The following ECE1 variants were observed in gnomAD, a reference collection of about 807,000 sequenced individuals.
ECE1 encodes endothelin-converting enzyme 1.
Under a neutral mutation model 98.6 loss-of-function variants are expected in ECE1, and 35 were observed. That is an observed-to-expected ratio of 0.35 (90% CI 0.27 to 0.47). The LOEUF (loss-of-function observed/expected upper bound fraction) is 0.47, where lower values mean the gene tolerates loss of function less well. ECE1 is among the 20% of genes least tolerant of loss of function. ECE1 has a pLI of 1.00. For synonymous variants in ECE1, 394 were observed against 407.1 expected (o/e 0.97, Z 0.39); for missense variants, 814 against 1,025.3 (o/e 0.79, Z 2.81).
upstream of ECE1, among the ~76,000 whole-genome samples, chr1:21,294,623 C>G (rs1369970322): frequency 1.3e-5 from 2 of 152,206 alleles, no homozygotes; most frequent in African/African-American, 2.4e-5. The surrounding 1 kb of genome is among the most constrained non-coding windows in gnomAD (Gnocchi z 4.2). Flanking sequence ...TGAGCAGAAA[C>G]GAGAAATATA....
At chr1:21,227,272 G>GCCCT in intron 15 of ECE1, 46 bp from the exon 16 acceptor site, 1 of 1,541,954 alleles carries the variant, frequency 6.5e-7, no homozygotes, top group Non-Finnish European at 9.0e-7. Flanking sequence ...TGAGAGGAGG[G>GCCCT]CCTCTCACTC....
At position 21,345,472 on chromosome 1, in the gene ECE1, A is replaced by G; in HGVS notation, c.-94T>C. ...CCCTGCTCCCAGCCCAGCTGCTCGG[A>G]CGGCTCGGCTGCCTGGCCCAGGCGG... On this transcript the variant is annotated 5_prime_UTR_variant, in exon 1 of 19. Transcript: ENST00000415912. This position sits in a 1 kb window ranked among gnomAD's most constrained non-coding sequence, Gnocchi z 5.1. 1 of 1,155,064 alleles carries G rather than the reference A, an allele frequency of 8.7e-7. No homozygotes were observed. The highest frequency in any genetic ancestry group is 3.2e-5 in the South Asian group (1 of 31,126). The allele number at this position is 1,155,064 out of a possible 1,614,324, so 71.6% of individuals were successfully genotyped here.
intron 10 of ECE1, among the ~76,000 whole-genome samples, chr1:21,240,135 C>A (rs1017814590): frequency 1.3e-5 from 2 of 152,110 alleles, no homozygotes; most frequent in African/African-American, 4.8e-5. Flanking sequence ...CAGGCCACTG[C>A]ACTCCAGCCT....
At chr1:21,247,526 G>C (rs555371164) in intron 8 of ECE1, among the ~76,000 whole-genome samples, 163 bp from the exon 9 acceptor site, 1 of 152,320 alleles carries the variant, frequency 6.6e-6, no homozygotes, top group South Asian at 2.1e-4. Flanking sequence ...GCTTTTGTCA[G>C]AGATGCTGTA....
chr1:21,295,910 T>C (rs213052), intron 1 of ECE1, among the ~76,000 whole-genome samples: 16,239 of 152,144 alleles, frequency 0.11, 1,192 homozygotes, highest in East Asian at 0.43. Flanking sequence ...TCTTCATCCG[T>C]AAAAGGGCCA....
At chr1:21,299,065 G>A (rs1638430958) in intron 1 of ECE1, 2 of 353,900 alleles carry the variant, frequency 5.7e-6, no homozygotes, top group African/African-American at 4.3e-5. Flanking sequence ...CTGACAATGT[G>A]CTGATCTAAT....
chr1:21,288,754 G>T (rs1271902170), intron 2 of ECE1, among the ~76,000 whole-genome samples: 1 of 152,246 alleles, frequency 6.6e-6, no homozygotes, highest in African/African-American at 2.4e-5. Context: ...CTTAAGAAGA[G>T]TCCACTGGGA....
At chr1:21,262,778 G>A (rs552274744) in intron 4 of ECE1, among the ~76,000 whole-genome samples, 11 of 152,324 alleles carry the variant, frequency 7.2e-5, no homozygotes, top group South Asian at 6.2e-4. Context: ...TTGCTCCTTC[G>A]CTGAGAGGCT....
At chr1:21,315,822 A>G (rs1034858383) in intron 1 of ECE1, among the ~76,000 whole-genome samples, 1 of 146,414 alleles carries the variant, frequency 6.8e-6, no homozygotes, top group Non-Finnish European at 1.5e-5. Flanking sequence ...AGCTGGCCCT[A>G]TTTTCCCCAT....
chr1:21,263,815 GTTC>G (rs2098230299), intron 4 of ECE1, among the ~76,000 whole-genome samples: 1 of 152,034 alleles, frequency 6.6e-6, no homozygotes, highest in Non-Finnish European at 1.5e-5. Flanking sequence ...AGAAGGTACG[GTTC>G]CTCTTCCTCC....
intron 1 of ECE1, among the ~76,000 whole-genome samples, chr1:21,331,030 CTT>C (rs1256655956): frequency 1.3e-5 from 2 of 152,168 alleles, no homozygotes; most frequent in African/African-American, 2.4e-5. Flanking sequence ...TCATCCCAAA[CTT>C]TGGGGGTCCG....
At position 21,272,973 on chromosome 1, in the gene ECE1, A is replaced by G. The variant is rs376233965; in HGVS notation, c.281-62T>C. 5.8e-5 allele frequency: 93 copies of G among 1,592,332 alleles called. No individual in the cohort carries two copies. The East Asian group carries it at 1.2e-3, about 21-fold the overall frequency. On this transcript the variant is annotated intron_variant, in intron 3 of 18. Coordinates refer to ENST00000374893, the MANE Select transcript of ECE1 (RefSeq NM_001397.3). ...GGCAGGGAAGAAGCAGGGAGGGCAG[A>G]GAAGGGGGCTTGGGGCCCAGGGGCC...
chr1:21,242,415 T>A (rs1488971586), intron 10 of ECE1, among the ~76,000 whole-genome samples: 2 of 152,084 alleles, frequency 1.3e-5, no homozygotes, highest in African/African-American at 4.8e-5. Context: ...AGGAGTGATC[T>A]CCAATTGCAG....
intron 2 of ECE1, among the ~76,000 whole-genome samples, chr1:21,284,721 C>T (rs563168236): frequency 7.2e-5 from 11 of 152,260 alleles, no homozygotes; most frequent in African/African-American, 1.9e-4. Flanking sequence ...CTGGGGCCCA[C>T]GAGACAAGCC....
chr1:21,299,114 A>G (rs1303270198), intron 1 of ECE1: 4 of 336,904 alleles, frequency 1.2e-5, no homozygotes, highest in African/African-American at 2.1e-5. Flanking sequence ...GTCTCATTGA[A>G]TGATATGGTA....
Position 21,220,256 on chromosome 1 carries a change from G to C in ECE1, c.2137-125C>G. 1.8e-6 allele frequency: 2 copies of C among 1,109,586 alleles called. No homozygotes were observed. The highest frequency in any genetic ancestry group is 2.5e-6 in the Non-Finnish European group (2 of 795,536). 68.7% of individuals were successfully genotyped at this position (1,109,586 alleles called of 1,614,324 possible). The stretch of plus-strand genomic sequence containing the variant: ...CACACCTGTAATCCCAGCACTTTGG[G>C]AGCCAAGGTGGAAGGGCTGCTTGAG... On this transcript the variant is annotated intron_variant, in intron 18 of 18. Coordinates refer to ENST00000374893, the MANE Select transcript of ECE1 (RefSeq NM_001397.3). The surrounding 1 kb of genome is among the most constrained non-coding windows in gnomAD (Gnocchi z 5.0).
chr1:21,316,302 T>C (rs1225830398), intron 1 of ECE1, among the ~76,000 whole-genome samples: 2 of 152,212 alleles, frequency 1.3e-5, no homozygotes, highest in Non-Finnish European at 2.9e-5. Context: ...AGAGTCTTGC[T>C]CTGTTGCCCA....
At position 21,272,787 on chromosome 1, in the gene ECE1, C is replaced by T; in HGVS notation, c.405G>A (p.Lys135=). Residue 135 remains lysine (K), a synonymous_variant, in exon 4 of 19, where the codon AAG becomes AAA. Coordinates refer to ENST00000374893, the MANE Select transcript of ECE1 (RefSeq NM_001397.3). ...FFSYACGGWI[K]ANPVPDGHSR... ...AGTGGCCATCAGGGACTGGGTTGGC[C>T]TTGATCCAGCCCCCACAGGCGTAGC... 1 of 1,614,274 alleles carries T rather than the reference C, an allele frequency of 6.2e-7. No homozygotes were observed. The highest frequency in any genetic ancestry group is 8.5e-7 in the Non-Finnish European group (1 of 1,180,050).
upstream of ECE1, among the ~76,000 whole-genome samples, chr1:21,291,472 C>T (rs2098266531): frequency 6.6e-6 from 1 of 152,210 alleles, no homozygotes; most frequent in Non-Finnish European, 1.5e-5. Flanking sequence ...GGTCTCCTGG[C>T]TTCCACTCCT....
Sources: gnomAD v4.1 joint callset for allele counts (sites outside exome capture counted in the v4.1 genomes callset) on GRCh38, gnomAD v4.1.1 for gene constraint, Gnocchi (gnomAD v3.1) non-coding constraint, MANE v1.5 for transcripts, NCBI Gene and HGNC (gene_info 2026-07-23, HGNC 2026-07-21) for gene names.